Variants in SORCS3 observed in about 807,000 individuals in gnomAD.
SORCS3 encodes the protein VPS10 domain-containing receptor SorCS3.
SORCS3 carries 57 observed loss-of-function variants against 146.3 expected under a neutral mutation model. The ratio of observed to expected loss-of-function variants is 0.39; its 90% CI spans 0.31 to 0.49. The LOEUF (loss-of-function observed/expected upper bound fraction) is 0.49. Among genes scored for constraint, SORCS3 ranks in the 20% least tolerant of loss-of-function variants. The pLI is 0.92. For missense variants in SORCS3, 1,341 were observed against 1,575.5 expected (o/e 0.85, Z 2.52); for synonymous variants, 653 against 618.5 (o/e 1.06, Z -0.83).
chr10:105,214,643 G>T, intron 18 of SORCS3, 30 bp downstream of exon 18: 1 of 1,531,114 alleles, frequency 6.5e-7, no homozygotes, highest in Non-Finnish European at 8.8e-7. Flanking sequence ...TCTGAGGTCA[G>T]AACTCCCAAC....
At chr10:105,032,992 C>G (rs1482498288) in intron 4 of SORCS3, among the ~76,000 whole-genome samples, 1 of 152,048 alleles carries the variant, frequency 6.6e-6, no homozygotes, top group Non-Finnish European at 1.5e-5. Context: ...TGAATTGCAG[C>G]ATATAAAATG....
chr10:104,903,297 C>G (rs544701887), intron 2 of SORCS3, among the ~76,000 whole-genome samples: 1 of 152,228 alleles, frequency 6.6e-6, no homozygotes, highest in South Asian at 2.1e-4. Context: ...GACAGTCTTC[C>G]GAGAAATTAA....
chr10:104,823,711 G>A (rs1196042355), intron 1 of SORCS3, among the ~76,000 whole-genome samples: 1 of 152,174 alleles, frequency 6.6e-6, no homozygotes, highest in Non-Finnish European at 1.5e-5. Flanking sequence ...GGTGTAGTTG[G>A]CAGAATAGTG....
At chr10:105,004,498 G>T (rs1164096770) in intron 4 of SORCS3, among the ~76,000 whole-genome samples, 3 of 152,116 alleles carry the variant, frequency 2.0e-5, no homozygotes, top group Non-Finnish European at 4.4e-5. Context: ...AAGTCAAAGG[G>T]ATTGGAGCTT....
chr10:105,069,232 T>A (rs1347919074), intron 5 of SORCS3, among the ~76,000 whole-genome samples: 2 of 152,224 alleles, frequency 1.3e-5, no homozygotes, highest in Non-Finnish European at 2.9e-5. Context: ...TGGCAAGCCT[T>A]CCTTTTGCCA....
In SORCS3 at chr10:105,157,172, A is replaced by G. The variant is rs566782003; in HGVS notation, c.1517A>G (p.Lys506Arg). Residue 506 changes from lysine to arginine, a missense_variant, in exon 10 of 27, where the codon AAG (lysine) becomes AGG (arginine). Physicochemically the swap from Lys to Arg is conservative, Grantham distance 26. Coordinates refer to ENST00000369701, the MANE Select transcript of SORCS3 (RefSeq NM_014978.3). ...AGIKGIFLANKKVDDQVKTYI... is the reference protein window; with the variant it reads ...AGIKGIFLANRKVDDQVKTYI... Reference sequence around the variant, plus strand: ...ATCAAAGGGATATTTCTGGCAAACAAGAAGGTGGACGACCAGGTGAAGACA... The same window carrying G: ...ATCAAAGGGATATTTCTGGCAAACAGGAAGGTGGACGACCAGGTGAAGACA... 2 of 1,614,020 alleles carry G rather than the reference A, an allele frequency of 1.2e-6. No individual in the cohort carries two copies. The highest frequency in any genetic ancestry group is 1.1e-5 in the South Asian group (1 of 91,074).
At chr10:105,012,335 C>A (rs773457202) in intron 4 of SORCS3, among the ~76,000 whole-genome samples, 3 of 152,072 alleles carry the variant, frequency 2.0e-5, no homozygotes, top group Non-Finnish European at 4.4e-5. Context: ...AATGCATGTT[C>A]AAAGTGAAGG....
At chr10:105,136,549 G>C (rs909278822) in intron 7 of SORCS3, among the ~76,000 whole-genome samples, 2 of 152,162 alleles carry the variant, frequency 1.3e-5, no homozygotes, top group African/African-American at 4.8e-5. Context: ...ATAATTATAG[G>C]AATGTGTGTG....
At chr10:104,854,702 C>T (rs538633521) in intron 2 of SORCS3, among the ~76,000 whole-genome samples, 3 of 152,266 alleles carry the variant, frequency 2.0e-5, no homozygotes, top group South Asian at 2.1e-4. Context: ...TTTATAATCA[C>T]ACCTACCTCC....
intron 2 of SORCS3, among the ~76,000 whole-genome samples, chr10:104,912,944 A>G (rs566246504): frequency 6.6e-5 from 10 of 152,276 alleles, no homozygotes; most frequent in Admixed American, 5.2e-4. Context: ...AAATTTGCCA[A>G]GTAGAGGAAA....
At chr10:105,242,808 T>G (rs1394102595) in intron 20 of SORCS3, among the ~76,000 whole-genome samples, 5 of 64,078 alleles carry the variant, frequency 7.8e-5, no homozygotes, top group Admixed American at 4.6e-4. Flanking sequence ...ATATATAATT[T>G]ATATATATTT....
intron 1 of SORCS3, among the ~76,000 whole-genome samples, chr10:104,704,355 T>G (rs2016313529): frequency 6.6e-6 from 1 of 151,968 alleles, no homozygotes; most frequent in Non-Finnish European, 1.5e-5. Context: ...TTGTTTTAAT[T>G]TTTTAGGGAC....
chr10:105,088,731 G>A (rs972563536), intron 5 of SORCS3, among the ~76,000 whole-genome samples: 7 of 152,154 alleles, frequency 4.6e-5, no homozygotes, highest in Non-Finnish European at 8.8e-5. Context: ...GGGATTTGTG[G>A]CATGGAAGAT....
At chr10:104,679,474 G>T (rs954934441) in intron 1 of SORCS3, among the ~76,000 whole-genome samples, 6 of 152,212 alleles carry the variant, frequency 3.9e-5, no homozygotes, top group Admixed American at 2.6e-4. Flanking sequence ...CACAGAGGTA[G>T]AGTAACCAGT....
chr10:104,774,383 G>A (rs2017284829), intron 1 of SORCS3, among the ~76,000 whole-genome samples: 1 of 152,160 alleles, frequency 6.6e-6, no homozygotes, highest in African/African-American at 2.4e-5. Context: ...CTGCACCACA[G>A]CCCCTTCTTT....
At chr10:104,789,172 TA>T (rs2017469320) in intron 1 of SORCS3, among the ~76,000 whole-genome samples, 1 of 152,130 alleles carries the variant, frequency 6.6e-6, no homozygotes, top group Non-Finnish European at 1.5e-5. Context: ...AAATTCAGCT[TA>T]AAAAAATACC....
chr10:104,702,863 C>G (rs552511986), intron 1 of SORCS3, among the ~76,000 whole-genome samples: 1 of 152,308 alleles, frequency 6.6e-6, no homozygotes, highest in African/African-American at 2.4e-5. Context: ...ATCTAGCTTG[C>G]TCATTCCACA....
intron 1 of SORCS3, among the ~76,000 whole-genome samples, chr10:104,825,337 A>G (rs1403459918): frequency 6.6e-6 from 1 of 152,224 alleles, no homozygotes; most frequent in Non-Finnish European, 1.5e-5. Flanking sequence ...CTGAGGCTCA[A>G]TAGGGTAAGC....
chr10:105,020,937 T>G (rs2055194236), intron 4 of SORCS3, among the ~76,000 whole-genome samples: 1 of 152,148 alleles, frequency 6.6e-6, no homozygotes. Flanking sequence ...ATGTCTAACT[T>G]TGTAGTAATT....
Sources: gnomAD v4.1 joint callset for allele counts (sites outside exome capture counted in the v4.1 genomes callset) on GRCh38, gnomAD v4.1.1 for gene constraint, MANE v1.5 for transcripts, NCBI Gene and HGNC (gene_info 2026-07-23, HGNC 2026-07-21) for gene names.